The following ZEB1 variants were observed in gnomAD, a reference collection of about 807,000 sequenced individuals.
ZEB1 encodes the protein zinc finger E-box binding homeobox 1, also known as zinc finger E-box-binding homeobox 1.
A neutral mutation model predicts 84.9 loss-of-function variants in ZEB1; 21 were observed. The observed-to-expected ratio is 0.25, with a 90% CI of 0.18 to 0.36. The LOEUF (loss-of-function observed/expected upper bound fraction) is 0.36. Ranked by LOEUF, ZEB1 falls within the 10% of genes least tolerant of loss-of-function variation. The pLI is 1.00. For missense variants in ZEB1, 1,104 were observed against 1,330.2 expected, an observed-to-expected ratio of 0.83 and a Z score of 2.65; for synonymous variants, 420 against 471.1, an observed-to-expected ratio of 0.89 and a Z score of 1.41.
intron 1 of ZEB1, among the ~76,000 whole-genome samples, chr10:31,439,141 AGGCACAT>A (rs1374066740): frequency 6.6e-6 from 1 of 152,182 alleles, no homozygotes; most frequent in Non-Finnish European, 1.5e-5. Flanking sequence ...ATTGATGTTA[AGGCACAT>A]GTATAGTATG....
At chr10:31,434,805 A>G (rs1171913586) in intron 1 of ZEB1, among the ~76,000 whole-genome samples, 2 of 152,228 alleles carry the variant, frequency 1.3e-5, no homozygotes, top group Non-Finnish European at 2.9e-5. Flanking sequence ...GGTCAAGAAG[A>G]GCATCAATAA....
chr10:31,440,433 A>G (rs1407448605), intron 1 of ZEB1, among the ~76,000 whole-genome samples: 2 of 152,162 alleles, frequency 1.3e-5, no homozygotes, highest in African/African-American at 4.8e-5. Context: ...ATTTATGACA[A>G]ATCCACAACC....
At chr10:31,461,643 T>C (rs2061833655) in intron 2 of ZEB1, among the ~76,000 whole-genome samples, 1 of 152,148 alleles carries the variant, frequency 6.6e-6, no homozygotes, top group South Asian at 2.1e-4. Flanking sequence ...GTATTTTTAG[T>C]GCTTGTAAAC....
chr10:31,441,969 AC>A (rs1466645898), intron 1 of ZEB1, among the ~76,000 whole-genome samples: 3 of 152,218 alleles, frequency 2.0e-5, no homozygotes, highest in African/African-American at 7.2e-5. Flanking sequence ...GGGACTGTAA[AC>A]TAGTTCAACC....
chr10:31,507,421 G>A (rs1192569512), intron 4 of ZEB1, among the ~76,000 whole-genome samples: 1 of 151,992 alleles, frequency 6.6e-6, no homozygotes, highest in Non-Finnish European at 1.5e-5. Context: ...CATTAAATAG[G>A]TTTTCTATCC....
rs1306999336 is a variant in ZEB1, at chr10:31,527,293, A to C, written c.*29A>C. 1 of 1,574,502 alleles carries C rather than the reference A, an allele frequency of 6.4e-7. No individual in the cohort carries two copies. Among genetic ancestry groups the C allele is most frequent in the East Asian group, 2.4e-5 (1 of 41,764 alleles). The stretch of plus-strand genomic sequence containing the variant: ...TTTTTCTAGAAGGAAAATAAATTCT[A>C]ATTGATAATGAATTTCGTTCAATAT... On this transcript the variant is annotated 3_prime_UTR_variant, in exon 9 of 9. Coordinates refer to ENST00000424869, the MANE Select transcript of ZEB1 (RefSeq NM_001174096.2).
At chr10:31,434,826 T>A (rs2058105162) in intron 1 of ZEB1, among the ~76,000 whole-genome samples, 1 of 152,026 alleles carries the variant, frequency 6.6e-6, no homozygotes, top group African/African-American at 2.4e-5. Context: ...AGCAGCAGTG[T>A]TTTAGTTTGT....
intron 1 of ZEB1, among the ~76,000 whole-genome samples, chr10:31,410,557 C>T (rs114722020): frequency 0.032 from 4,919 of 152,066 alleles, 260 homozygotes; most frequent in African/African-American, 0.11. Flanking sequence ...TTCTGTTGTT[C>T]GAGATAGTTT....
intron 1 of ZEB1, among the ~76,000 whole-genome samples, chr10:31,413,309 G>A (rs979735234): frequency 6.6e-6 from 1 of 152,166 alleles, no homozygotes; most frequent in African/African-American, 2.4e-5. Flanking sequence ...TAGGTAATAA[G>A]CCCTTGTATC....
chr10:31,329,033 T>C (rs2036200821), intron 1 of ZEB1, among the ~76,000 whole-genome samples: 1 of 152,010 alleles, frequency 6.6e-6, no homozygotes, highest in Non-Finnish European at 1.5e-5. Flanking sequence ...TTAATTGAGG[T>C]ATAATTTATA....
chr10:31,415,381 C>T (rs2055036874), intron 1 of ZEB1, among the ~76,000 whole-genome samples: 1 of 152,026 alleles, frequency 6.6e-6, no homozygotes, highest in Non-Finnish European at 1.5e-5. Flanking sequence ...AAAAATATCT[C>T]TTTGATCCTG....
intron 7 of ZEB1, among the ~76,000 whole-genome samples, chr10:31,523,447 A>T (rs896342687): frequency 6.6e-6 from 1 of 152,230 alleles, no homozygotes; most frequent in East Asian, 1.9e-4. Flanking sequence ...GGAGGATACA[A>T]TTGAAAGACC....
At chr10:31,394,266 C>T (rs1453663233) in intron 1 of ZEB1, among the ~76,000 whole-genome samples, 4 of 152,116 alleles carry the variant, frequency 2.6e-5, no homozygotes, top group African/African-American at 4.8e-5. Context: ...AGATAAAAGA[C>T]ACGGAGAGAG....
chr10:31,463,610 C>G (rs1157655959), intron 2 of ZEB1, among the ~76,000 whole-genome samples: 7 of 152,158 alleles, frequency 4.6e-5, no homozygotes, highest in Non-Finnish European at 8.8e-5. Flanking sequence ...CTCTACCATC[C>G]TTGAGAGTGA....
intron 1 of ZEB1, among the ~76,000 whole-genome samples, chr10:31,422,443 A>G (rs1442957091): frequency 6.6e-6 from 1 of 152,128 alleles, no homozygotes; most frequent in Non-Finnish European, 1.5e-5. Context: ...TTTTATATTC[A>G]TTCTTAAAAG....
chr10:31,323,752 T>C (rs1014916040), intron 1 of ZEB1, among the ~76,000 whole-genome samples: 2 of 152,108 alleles, frequency 1.3e-5, no homozygotes, highest in African/African-American at 2.4e-5. Context: ...TGTGTTCTTA[T>C]AGGTATATTA....
chr10:31,516,052 A>G (rs916632915), intron 6 of ZEB1, among the ~76,000 whole-genome samples: 5 of 152,230 alleles, frequency 3.3e-5, no homozygotes, highest in Non-Finnish European at 5.9e-5. Context: ...CAGATCTATA[A>G]ATAATACAAA....
chr10:31,373,287 G>A (rs1342311915), intron 1 of ZEB1: 3 of 941,254 alleles, frequency 3.2e-6, no homozygotes, highest in Admixed American at 6.2e-5. Flanking sequence ...ATAATGACAA[G>A]TGTTTGAATT....
intron 4 of ZEB1, among the ~76,000 whole-genome samples, chr10:31,509,360 CTCTTTCCCTGCATT>C (rs2069567360): frequency 2.6e-5 from 4 of 152,194 alleles, no homozygotes; most frequent in African/African-American, 9.6e-5. Context: ...CTCTCACTTA[CTCTTTCCCTGCATT>C]GGAGAGCCTT....
Sources: gnomAD v4.1 joint callset for allele counts (sites outside exome capture counted in the v4.1 genomes callset) on GRCh38, gnomAD v4.1.1 for gene constraint, MANE v1.5 for transcripts, NCBI Gene and HGNC (gene_info 2026-07-23, HGNC 2026-07-21) for gene names.